Variants in LRCH2 observed in about 807,000 individuals in gnomAD.
LRCH2 encodes leucine-rich repeat and calponin homology domain-containing protein 2.
LRCH2 carries 38 observed loss-of-function variants against 68.9 expected under a neutral mutation model. The observed-to-expected ratio is 0.55, with a 90% CI of 0.43 to 0.72. The LOEUF is 0.72. Among genes scored for constraint, LRCH2 ranks in the 30% least tolerant of loss-of-function variants. LRCH2 has a pLI of 0.00. For synonymous variants in LRCH2, 191 were observed against 208.1 expected (o/e 0.92, Z 0.71); for missense variants, 528 against 572.9 (o/e 0.92, Z 0.80).
At chrX:115,198,683 G>A in intron 1 of LRCH2, 1 of 146,054 alleles carries the variant, frequency 6.8e-6, no homozygotes, top group Non-Finnish European at 1.5e-5. Flanking sequence ...TCCACACCAA[G>A]AGGAAGCGGG....
Position 115,166,191 on chromosome X carries a change from G to C in LRCH2, c.1086+64C>G. On this transcript the variant is annotated intron_variant, in intron 7 of 20. Coordinates refer to ENST00000317135, the MANE Select transcript of LRCH2 (RefSeq NM_020871.4). ...AAAATAAACTCAAGTATGCACAAGGGTCTCTATTTCAATGCTCTAATAAAA... is the reference window on the plus strand; with the variant it reads ...AAAATAAACTCAAGTATGCACAAGGCTCTCTATTTCAATGCTCTAATAAAA... 6.1e-6 allele frequency: 5 copies of C among 815,835 alleles called. No individual in the cohort carries two copies. In the South Asian group the frequency reaches 7.1e-5, roughly 12 times the overall value. The allele number at this position is 815,835 out of a possible 1,213,427, so 67.2% of individuals were successfully genotyped here.
chrX:115,220,639 A>C (rs782165627), intron 1 of LRCH2, among the ~76,000 whole-genome samples: 17 of 111,611 alleles, frequency 1.5e-4, no homozygotes, highest in Admixed American at 8.6e-4. Context: ...GAAAACTCCT[A>C]AACCTAATCA....
At chrX:115,183,094 G>C (rs1214181432) in intron 3 of LRCH2, among the ~76,000 whole-genome samples, 2 of 110,309 alleles carry the variant, frequency 1.8e-5, no homozygotes, top group Admixed American at 9.7e-5. Context: ...ACACAGAGTT[G>C]TCCACCATTG....
At chrX:115,181,914 G>T (rs2072694439) in intron 3 of LRCH2, among the ~76,000 whole-genome samples, 1 of 111,379 alleles carries the variant, frequency 9.0e-6, no homozygotes, top group African/African-American at 3.3e-5. Flanking sequence ...AAAAAGCATG[G>T]TTGTGCCTGT....
In LRCH2 at chrX:115,227,171, C is replaced by A. The variant is rs191244227; in HGVS notation, c.349+6522G>T. Among the ~76,000 whole-genome samples, 3 of 110,364 alleles carry A rather than the reference C, an allele frequency of 2.7e-5. No homozygotes were observed. The East Asian group carries it at 8.6e-4, about 32-fold the overall frequency. On this transcript the variant is annotated intron_variant, in intron 1 of 20. Transcript: ENST00000317135. ...AGGTGTGGTGCTGCAGGACTATAGTCCAAGCTACTCAGCAGGCTGAGACAG... is the reference window on the plus strand; with the variant it reads ...AGGTGTGGTGCTGCAGGACTATAGTACAAGCTACTCAGCAGGCTGAGACAG...
At chrX:115,152,265 C>A (rs1379234518) in intron 12 of LRCH2, among the ~76,000 whole-genome samples, 1 of 111,223 alleles carries the variant, frequency 9.0e-6, no homozygotes, top group Non-Finnish European at 1.9e-5. Context: ...AACCAAGTCC[C>A]AAAATATCAA....
At chrX:115,155,632 CAT>C (rs781938004) in intron 12 of LRCH2, among the ~76,000 whole-genome samples, 58 of 111,892 alleles carry the variant, frequency 5.2e-4, no homozygotes, top group Non-Finnish European at 9.4e-4. Flanking sequence ...CAACTAATAA[CAT>C]ATGTGACACT....
chrX:115,136,195 C>A (rs1556531944), intron 14 of LRCH2, among the ~76,000 whole-genome samples: 1 of 111,633 alleles, frequency 9.0e-6, no homozygotes, highest in Non-Finnish European at 1.9e-5. Context: ...CAAGTAAGGA[C>A]TGGAACACAA....
chrX:115,185,917 A>G (rs1556554238), intron 2 of LRCH2, among the ~76,000 whole-genome samples: 1 of 111,988 alleles, frequency 8.9e-6, no homozygotes, highest in Non-Finnish European at 1.9e-5. Flanking sequence ...AGTATATAGG[A>G]AGAGAGAAGA....
At chrX:115,150,138 C>G (rs2072421518) in intron 12 of LRCH2, 68 bp from the exon 13 acceptor site, 3 of 787,752 alleles carry the variant, frequency 3.8e-6, no homozygotes, top group East Asian at 3.7e-5. Context: ...ATATTATGAA[C>G]CTTAGATGTT....
rs1368310179 is a variant in LRCH2 at position 115,190,585 on chromosome X, C to T, written c.350-2215G>A. ...CAGTAACGGTTACAGCCGGAGTGAC[C>T]GCTACGGAGAAGAAGGCTGCTACGA... On this transcript the variant is annotated intron_variant, in intron 1 of 20. Coordinates refer to ENST00000317135, the MANE Select transcript of LRCH2 (RefSeq NM_020871.4). 9.1e-5 allele frequency: 35 copies of T among 383,201 alleles called. No individual in the cohort carries two copies. Among genetic ancestry groups the T allele is most frequent in the Middle Eastern group, 2.0e-3 (2 of 1,008 alleles). 31.6% of individuals were successfully genotyped at this position (383,201 alleles called of 1,213,427 possible).
At position 115,192,034 on chromosome X, in the gene LRCH2, C is replaced by T. The variant is rs948774284; in HGVS notation, c.350-3664G>A. 9.4e-6 allele frequency: 11 copies of T among 1,165,762 alleles called. No homozygotes were observed. The East Asian group carries it at 2.0e-4, about 21-fold the overall frequency. On this transcript the variant is annotated intron_variant, in intron 1 of 20. Transcript: ENST00000317135. ...AGGAGGAGGCCACTACGAAGAGTAC[C>T]GAGGCCGCTCGCACGACACCCACAG...
intron 14 of LRCH2, among the ~76,000 whole-genome samples, chrX:115,133,858 A>G (rs955149712): frequency 1.8e-5 from 2 of 111,864 alleles, no homozygotes; most frequent in Admixed American, 9.6e-5. Flanking sequence ...TAAGTGTTCA[A>G]GTGAAAAGAA....
chrX:115,118,653 C>T (rs2072106334), intron 20 of LRCH2, among the ~76,000 whole-genome samples: 2 of 111,271 alleles, frequency 1.8e-5, no homozygotes, highest in South Asian at 7.6e-4. Flanking sequence ...AGGGAATCCT[C>T]CCTAACTCAT....
chrX:115,189,574 A>C (rs1490638904), intron 1 of LRCH2: 2 of 1,173,240 alleles, frequency 1.7e-6, no homozygotes, highest in Non-Finnish European at 1.1e-6. Flanking sequence ...AGACCGAAAA[A>C]CCAACAAGTC....
intron 1 of LRCH2, chrX:115,190,416 A>G: frequency 1.7e-6 from 2 of 1,164,241 alleles, no homozygotes; most frequent in Non-Finnish European, 2.3e-6. Flanking sequence ...CTTATGGAGG[A>G]GGATGCCGCT....
At position 115,178,737 on chromosome X, in the gene LRCH2, AAAG is replaced by A. The variant is rs781815399; in HGVS notation, c.864+687_864+689del. Reference sequence around the variant, plus strand: ...GTGGAATGTACTTTTGTAGGAAGAAAAAGAAGACCTTTCTTCTGGATGTCTGCA... The same window carrying A: ...GTGGAATGTACTTTTGTAGGAAGAAAAAGACCTTTCTTCTGGATGTCTGCA... On this transcript the variant is annotated intron_variant, in intron 5 of 20. Transcript: ENST00000317135. 5.3e-3 allele frequency among the ~76,000 whole-genome samples: 598 copies of A among 112,248 alleles called. 6 individuals are homozygous for A. The highest frequency in any genetic ancestry group is 0.019 in the African/African-American group (575 of 30,923).
At chrX:115,165,330 T>C (rs1278506004) in intron 10 of LRCH2, 75 bp downstream of exon 10, 3 of 721,625 alleles carry the variant, frequency 4.2e-6, no homozygotes, top group Non-Finnish European at 6.0e-6. Flanking sequence ...TTTTTTCAAG[T>C]ACTCTTTCAA....
In LRCH2 at chrX:115,111,582, T is replaced by C. The variant is rs1399854569; in HGVS notation, c.*1634A>G. On this transcript the variant is annotated 3_prime_UTR_variant, in exon 21 of 21. Coordinates refer to ENST00000317135, the MANE Select transcript of LRCH2 (RefSeq NM_020871.4). Reference sequence around the variant, plus strand: ...TTTATCCAACTAAAAAATTAACAACTAATGAGGTCAAATATTTAAAATAAT... The same window carrying C: ...TTTATCCAACTAAAAAATTAACAACCAATGAGGTCAAATATTTAAAATAAT... 4 of 110,933 alleles carry C rather than the reference T, an allele frequency of 3.6e-5. No individual in the cohort carries two copies. The highest frequency in any genetic ancestry group is 7.6e-5 in the Non-Finnish European group (4 of 52,872). 9.1% of individuals were successfully genotyped at this position (110,933 alleles called of 1,213,427 possible). A position where few individuals can be genotyped will look rare whatever the true frequency, so the allele number is the denominator to read the frequency against.
Sources: gnomAD v4.1 joint callset for allele counts (sites outside exome capture counted in the v4.1 genomes callset) on GRCh38, gnomAD v4.1.1 for gene constraint, MANE v1.5 for transcripts, NCBI Gene and HGNC (gene_info 2026-07-23, HGNC 2026-07-21) for gene names.